The following ZNF560 variants were observed in gnomAD, a reference collection of about 807,000 sequenced individuals.
ZNF560 encodes the protein zinc finger protein 560.
A neutral mutation model predicts 81.8 loss-of-function variants in ZNF560; 54 were observed. The ratio of observed to expected loss-of-function variants is 0.66; its 90% confidence interval spans 0.53 to 0.83. The LOEUF is 0.83. Among genes scored for constraint, ZNF560 ranks in the 40% least tolerant of loss-of-function variants. The pLI, the probability that ZNF560 is intolerant of heterozygous loss-of-function variation, is 0.00. For missense variants in ZNF560, 940 were observed against 932.4 expected (o/e 1.01, Z -0.11); for synonymous variants, 321 against 317.9 (o/e 1.01, Z -0.10).
At chr19:9,486,047 G>A (rs2073379494) in intron 2 of ZNF560, among the ~76,000 whole-genome samples, 1 of 152,206 alleles carries the variant, frequency 6.6e-6, no homozygotes, top group African/African-American at 2.4e-5. Flanking sequence ...ACCTAGCAAG[G>A]TGTAGCTGGT....
chr19:9,493,614 C>T (rs2073507082), intron 2 of ZNF560, among the ~76,000 whole-genome samples: 1 of 152,096 alleles, frequency 6.6e-6, no homozygotes, highest in African/African-American at 2.4e-5. Context: ...CACCCGCCTC[C>T]CAAAGTGCCG....
intron 2 of ZNF560, among the ~76,000 whole-genome samples, chr19:9,494,865 C>T (rs947095962): frequency 6.6e-6 from 1 of 152,138 alleles, no homozygotes; most frequent in Admixed American, 6.5e-5. Flanking sequence ...CAAGGTCACA[C>T]CACTGCACTC....
chr19:9,497,480 A>C (rs1291316352), intron 2 of ZNF560, among the ~76,000 whole-genome samples: 1 of 145,390 alleles, frequency 6.9e-6, no homozygotes, highest in African/African-American at 2.6e-5. Context: ...GGTTGCAGTG[A>C]GGCGAGATCG....
intron 2 of ZNF560, among the ~76,000 whole-genome samples, chr19:9,494,848 G>C (rs2144730532): frequency 6.6e-6 from 1 of 151,868 alleles, no homozygotes; most frequent in South Asian, 2.1e-4. Context: ...CAGAGGTTGT[G>C]GTGAGCCAAG....
intron 2 of ZNF560, among the ~76,000 whole-genome samples, chr19:9,494,459 G>A (rs1443511635): frequency 6.6e-6 from 1 of 152,188 alleles, no homozygotes. Flanking sequence ...GGGAGGCCAG[G>A]TGCAGGGGCT....
intron 5 of ZNF560, 109 bp from the exon 6 acceptor site, chr19:9,471,487 A>AG: frequency 1.4e-6 from 1 of 709,350 alleles, no homozygotes; most frequent in Non-Finnish European, 2.0e-6. Flanking sequence ...AATAAACATA[A>AG]GAAAAAAGAA....
chr19:9,471,104 T>C (rs2073113998), intron 6 of ZNF560, among the ~76,000 whole-genome samples, 192 bp downstream of exon 6: 1 of 152,166 alleles, frequency 6.6e-6, no homozygotes, highest in South Asian at 2.1e-4. Context: ...ACTCCAATTT[T>C]AGAAGGATAC....
the ZNF560 span, among the ~76,000 whole-genome samples, chr19:9,460,417 T>A: frequency 6.6e-6 from 1 of 152,232 alleles, no homozygotes; most frequent in South Asian, 2.1e-4. Flanking sequence ...AGAGCAATTA[T>A]ACTCATTGGG....
the ZNF560 span, among the ~76,000 whole-genome samples, chr19:9,450,500 A>C: frequency 6.6e-6 from 1 of 152,166 alleles, no homozygotes; most frequent in Admixed American, 6.5e-5. Flanking sequence ...CAGAATTTAG[A>C]AAACTCAATT....
chr19:9,475,449 G>C (rs1380559194), intron 2 of ZNF560, 80 bp from the exon 3 acceptor site: 1 of 761,620 alleles, frequency 1.3e-6, no homozygotes, highest in South Asian at 1.7e-5. Context: ...TTCCAACCTG[G>C]TTCGAAATTC....
At chr19:9,460,488 T>C in the ZNF560 span, among the ~76,000 whole-genome samples, 1 of 152,144 alleles carries the variant, frequency 6.6e-6, no homozygotes, top group Non-Finnish European at 1.5e-5. Context: ...CCAGTGGAGG[T>C]ATACACTAAT....
In ZNF560 at chr19:9,466,521, T is replaced by C; in HGVS notation, c.*53A>G. The C allele has an allele frequency of 6.7e-7, 1 of 1,499,130 alleles. No homozygotes were observed. Among genetic ancestry groups the C allele is most frequent in the South Asian group, 1.3e-5 (1 of 74,466 alleles). 92.9% of individuals were successfully genotyped at this position (1,499,130 alleles called of 1,614,324 possible). On this transcript the variant is annotated 3_prime_UTR_variant, in exon 10 of 10. Coordinates refer to ENST00000301480, the MANE Select transcript of ZNF560 (RefSeq NM_152476.3). ...TGAATTTTTACATGTTCAGTTAGGC[T>C]TGAGGAAACAGCAAAGGTTTTTCCA... is the stretch of plus-strand genomic sequence containing the variant.
the ZNF560 span, among the ~76,000 whole-genome samples, chr19:9,503,990 C>G: frequency 6.6e-6 from 1 of 152,076 alleles, no homozygotes. Context: ...AAAACAGGTG[C>G]CTTGTAATTT....
chr19:9,462,553 C>G (rs1312667768), downstream of ZNF560, among the ~76,000 whole-genome samples: 1 of 152,126 alleles, frequency 6.6e-6, no homozygotes. Context: ...CTTTATTCCT[C>G]TAGTGCTGCT....
chr19:9,466,779 C>T lies in ZNF560; in HGVS notation c.2168G>A (p.Cys723Tyr). 1 of 1,613,868 alleles carries T rather than the reference C, an allele frequency of 6.2e-7. No homozygotes were observed. Among genetic ancestry groups the T allele is most frequent in the Non-Finnish European group, 8.5e-7 (1 of 1,179,922 alleles). ...KCKDCGKAFT[C>Y]HSDLTNHVRI... The stretch of plus-strand genomic sequence containing the variant: ...CACATGATTAGTAAGATCTGAATGA[C>T]AAGTGAAGGCTTTCCCACAGTCCTT... Residue 723 changes from cysteine to tyrosine, a missense_variant, in exon 10 of 10, where the codon TGT (cysteine) becomes TAT (tyrosine). Coordinates refer to ENST00000301480, the MANE Select transcript of ZNF560 (RefSeq NM_152476.3).
chr19:9,501,421 T>G (rs112549102), upstream of ZNF560, among the ~76,000 whole-genome samples: 6,569 of 148,644 alleles, frequency 0.044, 576 homozygotes, highest in African/African-American at 0.16. Flanking sequence ...TGCAGTGGTG[T>G]GATCTCGGCT....
At chr19:9,493,019 T>A (rs2112526) in intron 2 of ZNF560, among the ~76,000 whole-genome samples, 22,902 of 152,074 alleles carry the variant, frequency 0.15, 2,584 homozygotes, top group African/African-American at 0.31. Context: ...GGTGAGAGGG[T>A]ATAATCTATT....
At chr19:9,486,956 C>T (rs118010283) in intron 2 of ZNF560, among the ~76,000 whole-genome samples, 6,563 of 152,224 alleles carry the variant, frequency 0.043, 200 homozygotes, top group South Asian at 0.089. Flanking sequence ...ACAGCTTATG[C>T]CCCTTCCTTA....
At chr19:9,464,422 T>G (rs1446680803), downstream of ZNF560, among the ~76,000 whole-genome samples, 1 of 152,152 alleles carries the variant, frequency 6.6e-6, no homozygotes, top group African/African-American at 2.4e-5. Flanking sequence ...TTCCCACCTC[T>G]CCAGGTGAAG....
Sources: allele counts gnomAD v4.1 joint callset (sites outside exome capture counted in the v4.1 genomes callset), GRCh38; gene constraint gnomAD v4.1.1; transcripts MANE v1.5; gene names NCBI Gene and HGNC (gene_info 2026-07-23, HGNC 2026-07-21).